The following METTL3 variants were observed in gnomAD, a reference collection of about 807,000 sequenced individuals.
METTL3 encodes methyltransferase 3, N6-adenosine-methyltransferase complex catalytic subunit, also known as N(6)-adenosine-methyltransferase catalytic subunit METTL3.
METTL3 carries 42 observed loss-of-function variants against 64.3 expected under a neutral mutation model. The ratio of observed to expected loss-of-function variants is 0.65; its 90% CI spans 0.51 to 0.84. METTL3 has a LOEUF of 0.84. Ranked by LOEUF, METTL3 falls within the 40% of genes least tolerant of loss-of-function variation. The probability of loss-of-function intolerance (pLI) is 0.00; values close to 1 mark genes in which losing one functional copy is unlikely to be tolerated. For synonymous variants in METTL3, 256 were observed against 263.6 expected, an observed-to-expected ratio of 0.97 and a Z score of 0.28; for missense variants, 435 against 722.3, an observed-to-expected ratio of 0.60 and a Z score of 4.56.
intron 1 of METTL3, chr14:21,504,098 A>C: frequency 1.8e-6 from 1 of 543,612 alleles, no homozygotes; most frequent in Non-Finnish European, 3.3e-6. Flanking sequence ...CCTTTTCTCT[A>C]TTGAGTGAGT....
Position 21,511,117 on chromosome 14 carries a change from G to A in METTL3, c.100+7C>T. 1.2e-6 allele frequency: 2 copies of A among 1,613,790 alleles called. No individual in the cohort carries two copies. The highest frequency in any genetic ancestry group is 1.7e-6 in the Non-Finnish European group (2 of 1,179,852). ...TGAGCCTCGGCCCCAACAGCCCAGT[G>A]CCTCACCCAAGTGCCCCGAGTCCTG... On this transcript the variant is annotated splice_region_variant and intron_variant, in intron 1 of 10. Transcript: ENST00000298717.
intron 1 of METTL3, chr14:21,504,410 T>C (rs1891647180): frequency 6.5e-6 from 1 of 154,634 alleles, no homozygotes; most frequent in South Asian, 2.0e-4. Context: ...CCAAATGATA[T>C]TTCCTGACTA....
chr14:21,511,041 G>A, intron 1 of METTL3, 83 bp downstream of exon 1: 1 of 1,489,442 alleles, frequency 6.7e-7, no homozygotes, highest in Non-Finnish European at 9.0e-7. Flanking sequence ...TTTGGTAAAG[G>A]GCAGTGACTC....
At chr14:21,510,002 T>G (rs1891794285) in intron 1 of METTL3, among the ~76,000 whole-genome samples, 1 of 152,220 alleles carries the variant, frequency 6.6e-6, no homozygotes, top group Non-Finnish European at 1.5e-5. Context: ...CAAATTCAAG[T>G]GCCAATTCCA....
Position 21,503,677 on chromosome 14 carries a change from A to G in METTL3, c.305T>C (p.Leu102Pro). Residue 102 changes from leucine to proline, a missense_variant, in exon 2 of 11, where the codon CTT (leucine) becomes CCT (proline). Leu to Pro is a moderately conservative substitution (Grantham distance 98). Coordinates refer to ENST00000298717, the MANE Select transcript of METTL3 (RefSeq NM_019852.5). The part of the protein sequence containing the change: ...TLPTDAVSIC[L>P]AISTPDAPAT... ...TCAGGTCATTACCGTGGAGATGGCA[A>G]GACAGATGGACACAGCATCAGTGGG... is the stretch of plus-strand genomic sequence containing the variant. 6.2e-7 allele frequency: 1 copy of G among 1,614,258 alleles called. No individual in the cohort carries two copies. Among genetic ancestry groups the G allele is most frequent in the East Asian group, 2.2e-5 (1 of 44,888 alleles).
intron 6 of METTL3, 86 bp downstream of exon 6, chr14:21,500,409 G>C: frequency 7.4e-7 from 1 of 1,348,400 alleles, no homozygotes; most frequent in Non-Finnish European, 1.1e-6. Flanking sequence ...TAATAGTGGG[G>C]CTAGGAAAAC....
At chr14:21,499,158 G>T (rs371287111) in intron 9 of METTL3, 21 bp from the exon 10 acceptor site, 1 of 1,598,160 alleles carries the variant, frequency 6.3e-7, no homozygotes, top group Non-Finnish European at 8.6e-7. Context: ...AAAACTAGCT[G>T]CTTTTTAAGT....
intron 1 of METTL3, chr14:21,510,544 G>A (rs1891807781): frequency 6.6e-6 from 1 of 152,174 alleles, no homozygotes; most frequent in South Asian, 2.1e-4. Context: ...CAGGAGAAGA[G>A]AAAAAGTTTG....
Position 21,500,578 on chromosome 14 carries a change from C to A in METTL3, c.1221G>T (p.Gly407=). The A allele has an allele frequency of 1.2e-6, 2 of 1,614,116 alleles. No individual in the cohort carries two copies. The highest frequency in any genetic ancestry group is 1.7e-5 in the Admixed American group (1 of 60,004). The change falls in exon 6 of 11, where the codon GGG becomes GGT. Residue 407 remains glycine (G), a synonymous_variant. Coordinates refer to ENST00000298717, the MANE Select transcript of METTL3 (RefSeq NM_019852.5). ...TGCGCATCTCATCATCTGTCAGGGT[C>A]CCATAGGGCAGTTCCATGTGAATAT... ...PWDIHMELPY[G]TLTDDEMRRL...
At position 21,501,920 on chromosome 14, in the gene METTL3, C is replaced by T. The variant is rs771504702; in HGVS notation, c.724-17G>A. The T allele has an allele frequency of 1.9e-6, 3 of 1,612,076 alleles. No individual in the cohort carries two copies. The highest frequency in any genetic ancestry group is 1.3e-5 in the African/African-American group (1 of 74,916). On this transcript the variant is annotated splice_polypyrimidine_tract_variant and intron_variant, in intron 3 of 10. Transcript: ENST00000298717. ...CTGACTGACCTGTGACAGAAGTAGC[C>T]TTGGACTTAAAATGTCTTATAGATC...
At chr14:21,502,183 C>T (rs148313985) in intron 3 of METTL3, among the ~76,000 whole-genome samples, 114 of 152,074 alleles carry the variant, frequency 7.5e-4, no homozygotes, top group Non-Finnish European at 1.2e-3. Flanking sequence ...ACCATGCCAG[C>T]TAATGTTTTA....
Position 21,498,810 on chromosome 14 carries a change from T to G in METTL3, c.1631+215A>C, listed in dbSNP as rs1276161187. ...TGGGTTGTGAAGAGAGTAGAAACCC[T>G]AGGGAGCAGTGCTTTTGGGTCCTAG... On this transcript the variant is annotated intron_variant, in intron 10 of 10. Coordinates refer to ENST00000298717, the MANE Select transcript of METTL3 (RefSeq NM_019852.5). The G allele has an allele frequency of 8.0e-5, 44 of 547,810 alleles. 1 individual carries two copies. Among genetic ancestry groups the G allele is most frequent in the Non-Finnish European group, 1.1e-4 (35 of 306,874 alleles). The allele number at this position is 547,810 out of a possible 1,614,324, so 33.9% of individuals were successfully genotyped here.
At chr14:21,503,954 C>G in intron 1 of METTL3, 73 bp from the exon 2 acceptor site, 1 of 1,376,508 alleles carries the variant, frequency 7.3e-7, no homozygotes, top group East Asian at 2.3e-5. Flanking sequence ...AAGTCAAATT[C>G]TCTAGCATTC....
At chr14:21,510,460 G>A (rs1420943951) in intron 1 of METTL3, 3 of 152,222 alleles carry the variant, frequency 2.0e-5, no homozygotes, top group Non-Finnish European at 4.4e-5. Flanking sequence ...TTTGTCCTGA[G>A]GGTAGGGAGT....
rs767449920 is a variant in METTL3 at position 21,500,552 on chromosome 14, C to G, written c.1247G>C (p.Arg416Thr). The stretch of plus-strand genomic sequence containing the variant: ...ATCCTGTAGTACGGGTATGTTGAGC[C>G]TGCGCATCTCATCATCTGTCAGGGT... The part of the protein sequence containing the change: ...YGTLTDDEMR[R>T]LNIPVLQDDG... Residue 416 changes from arginine to threonine, a missense_variant, in exon 6 of 11, where the codon AGG (arginine) becomes ACG (threonine). Arg to Thr is a moderately conservative substitution (Grantham distance 71). Coordinates refer to ENST00000298717, the MANE Select transcript of METTL3 (RefSeq NM_019852.5). 2 of 1,614,076 alleles carry G rather than the reference C, an allele frequency of 1.2e-6. No homozygotes were observed. The highest frequency in any genetic ancestry group is 4.5e-5 in the East Asian group (2 of 44,878).
intron 1 of METTL3, chr14:21,507,812 G>A (rs1276425540): frequency 6.6e-6 from 1 of 152,110 alleles, no homozygotes; most frequent in South Asian, 2.1e-4. Context: ...TACATTCTTT[G>A]AAATAATCAA....
chr14:21,503,290 T>G lies in METTL3; in HGVS notation c.606A>C (p.Ala202=). 1 of 1,614,198 alleles carries G rather than the reference T, an allele frequency of 6.2e-7. No homozygotes were observed. Among genetic ancestry groups the G allele is most frequent in the Middle Eastern group, 1.6e-4 (1 of 6,062 alleles). ...TGGCTGGCTCCTTTGCTGGTTCCGATGCTGAAGAGTTCAGACCAGAGACTA... is the reference window on the plus strand; with the variant it reads ...TGGCTGGCTCCTTTGCTGGTTCCGAGGCTGAAGAGTTCAGACCAGAGACTA... ...SSLVSGLNSS[A]SEPAKEPAKK... is the part of the protein sequence containing the mutation. The change falls in exon 3 of 11, where the codon GCA becomes GCC. Residue 202 remains alanine (A), a synonymous_variant. Coordinates refer to ENST00000298717, the MANE Select transcript of METTL3 (RefSeq NM_019852.5).
At position 21,508,569 on chromosome 14, in the gene METTL3, G is replaced by T. The variant is rs117530312; in HGVS notation, c.100+2555C>A. Among the ~76,000 whole-genome samples the T allele has an allele frequency of 9.3e-3, 1,418 of 152,248 alleles. 8 individuals are homozygous for T. The highest frequency in any genetic ancestry group is 0.016 in the Non-Finnish European group (1,060 of 68,016). On this transcript the variant is annotated intron_variant, in intron 1 of 10. Transcript: ENST00000298717. ...CCAAGAGCAATTAGAATCATTCATT[G>T]AAAGAGTATGAATTTAGAAATGGAA...
Position 21,503,585 on chromosome 14 carries a change from A to T in METTL3, c.319-8T>A, listed in dbSNP as rs199741514. On this transcript the variant is annotated splice_polypyrimidine_tract_variant and splice_region_variant and intron_variant, in intron 2 of 10. Transcript: ENST00000298717. ...AGTGGCAGGAGCATCTGGCTAGAGA[A>T]CGAGGGGAGGTATGGGCAATAAGAC... 5.8e-4 allele frequency: 932 copies of T among 1,613,068 alleles called. No individual in the cohort carries two copies. The highest frequency in any genetic ancestry group is 7.6e-4 in the Non-Finnish European group (899 of 1,179,522).
Sources: allele counts gnomAD v4.1 joint callset (sites outside exome capture counted in the v4.1 genomes callset), GRCh38; gene constraint gnomAD v4.1.1; transcripts MANE v1.5; gene names NCBI Gene and HGNC (gene_info 2026-07-23, HGNC 2026-07-21).